Variants in TMEM100 observed in about 807,000 individuals in gnomAD.
The protein encoded by TMEM100 is transmembrane protein 100.
For missense variants in TMEM100, 137 were observed against 168.2 expected (o/e 0.81, Z 1.02); for synonymous variants, 61 against 67.1 (o/e 0.91, Z 0.44).
rs372894681 is a variant in TMEM100, at chr17:55,722,281, A to T, written c.-66+338T>A. On this transcript the variant is annotated intron_variant, in intron 1 of 1. Transcript: ENST00000424486. ...GTAGTTACCGAACAAGTTTAAAGAA[A>T]GATACTTGAGACCATTTCAATGAGA... Among the ~76,000 whole-genome samples, 37 of 152,348 alleles carry T rather than the reference A, an allele frequency of 2.4e-4. 2 individuals are homozygous for T. Among genetic ancestry groups the T allele is most frequent in the Admixed American group, 7.8e-4 (12 of 15,302 alleles).
chr17:55,731,441 C>T (rs1414061648), intron 1 of TMEM100, among the ~76,000 whole-genome samples: 1 of 152,108 alleles, frequency 6.6e-6, no homozygotes, highest in Non-Finnish European at 1.5e-5. Flanking sequence ...GGGCAAGTCA[C>T]CCAACTTCTG....
intron 1 of TMEM100, among the ~76,000 whole-genome samples, chr17:55,731,036 C>T (rs555515585): frequency 6.6e-6 from 1 of 152,288 alleles, no homozygotes; most frequent in African/African-American, 2.4e-5. Context: ...CATCAGGGCA[C>T]ACAGAAGGGC....
chr17:55,728,597 T>C lies in TMEM100; in HGVS notation c.-358-615A>G, dbSNP rs1466582593. On this transcript the variant is annotated intron_variant, in intron 1 of 3. Coordinates refer to the TMEM100 transcript ENST00000575734. ...GAAGCATTTTAGTTCCTGTGCTCCTTTGGGTGCCAGGAACTTGCTAAATGC... is the reference window on the plus strand; with the variant it reads ...GAAGCATTTTAGTTCCTGTGCTCCTCTGGGTGCCAGGAACTTGCTAAATGC... 2.0e-5 allele frequency among the ~76,000 whole-genome samples: 3 copies of C among 152,226 alleles called. No homozygotes were observed. In the East Asian group the frequency reaches 5.8e-4, roughly 29 times the overall value.
chr17:55,720,911 AG>A lies in TMEM100; in HGVS notation c.159del (p.Tyr54ThrfsTer47). On this transcript the variant is annotated frameshift_variant, in exon 2 of 2. Transcript: ENST00000424486. LOFTEE classifies it high-confidence loss of function. ...MAATGGTELS[C>X]YRCIIPFAVV... ...ACAGCAAAGGGGATGATGCAGCGGT[AG>A]CAGGAGAGCTCGGTACCCCCTGTAG... 6.2e-7 allele frequency: 1 copy of A among 1,614,210 alleles called. No individual in the cohort carries two copies. The highest frequency in any genetic ancestry group is 8.5e-7 in the Non-Finnish European group (1 of 1,180,030).
exon 2 of TMEM100, chr17:55,727,969 A>G (rs373201200): frequency 2.6e-5 from 4 of 152,190 alleles, no homozygotes; most frequent in East Asian, 3.9e-4. Context: ...TTCACAAGTC[A>G]CTTTTTAATT....
At chr17:55,726,822 A>G (rs999126187), upstream of TMEM100, among the ~76,000 whole-genome samples, 4 of 152,180 alleles carry the variant, frequency 2.6e-5, no homozygotes, top group Admixed American at 1.3e-4. Context: ...TTTGGATAGC[A>G]GGTCATGTTA....
chr17:55,720,673 A>G lies in TMEM100; in HGVS notation c.398T>C (p.Phe133Ser). 1 of 1,604,258 alleles carries G rather than the reference A, an allele frequency of 6.2e-7. No homozygotes were observed. Among genetic ancestry groups the G allele is most frequent in the Non-Finnish European group, 8.5e-7 (1 of 1,175,846 alleles). ...TALVANQRSL[F>S]A ...ATTTGGTCGTATTCAGTCTCAAGCA[A>G]ACAAGCTTCTCTGATTTGCCACGAG... The change falls in exon 2 of 2, where the codon TTT becomes TCT. Residue 133 changes from phenylalanine (F) to serine (S), a missense_variant. Coordinates refer to ENST00000424486, the MANE Select transcript of TMEM100 (RefSeq NM_018286.3).
Position 55,721,137 on chromosome 17 carries a change from T to C in TMEM100, c.-65-2A>G. 6.6e-7 allele frequency: 1 copy of C among 1,517,560 alleles called. No individual in the cohort carries two copies. The highest frequency in any genetic ancestry group is 8.8e-7 in the Non-Finnish European group (1 of 1,131,328). The allele number at this position is 1,517,560 out of a possible 1,614,324, so 94.0% of individuals were successfully genotyped here. On this transcript the variant is annotated splice_acceptor_variant, in intron 1 of 1. Transcript: ENST00000424486. LOFTEE classifies it low-confidence loss of function (5UTR_SPLICE). ...TGGACAGTCTCACCAGGGTGAAAGCTGTGAAGATAACAGGAGATGTCAGCT... is the reference window on the plus strand; with the variant it reads ...TGGACAGTCTCACCAGGGTGAAAGCCGTGAAGATAACAGGAGATGTCAGCT...
chr17:55,720,545 C>CCCATAATA lies in TMEM100; in HGVS notation c.*120_*121insTATTATGG. ...GAGAAGCCCCTCCACCCTCCCACCC[C>CCCATAATA]CATTCTTCCAGTCTGCTCCAACGCC... On this transcript the variant is annotated 3_prime_UTR_variant, in exon 2 of 2. Transcript: ENST00000424486. The CCCATAATA allele has an allele frequency of 8.6e-7, 1 of 1,156,326 alleles. No homozygotes were observed. The highest frequency in any genetic ancestry group is 1.2e-6 in the Non-Finnish European group (1 of 825,012). The allele number at this position is 1,156,326 out of a possible 1,614,324, so 71.6% of individuals were successfully genotyped here. A position where few individuals can be genotyped will look rare whatever the true frequency, so the allele number is the denominator to read the frequency against.
intron 1 of TMEM100, among the ~76,000 whole-genome samples, chr17:55,728,847 C>T (rs75406615): frequency 0.018 from 2,685 of 152,174 alleles, 83 homozygotes; most frequent in African/African-American, 0.06. Context: ...TCATGGCACA[C>T]AGGCATTTAA....
intron 1 of TMEM100, among the ~76,000 whole-genome samples, chr17:55,731,033 G>T (rs1482351759): frequency 6.6e-6 from 1 of 152,108 alleles, no homozygotes; most frequent in Non-Finnish European, 1.5e-5. Context: ...TTCCATCAGG[G>T]CACACAGAAG....
upstream of TMEM100, among the ~76,000 whole-genome samples, chr17:55,727,309 G>A (rs1265768405): frequency 6.6e-6 from 1 of 152,202 alleles, no homozygotes; most frequent in Non-Finnish European, 1.5e-5. Flanking sequence ...GAGGAAGCCC[G>A]AAGTTCGAGA....
Position 55,721,028 on chromosome 17 carries a change from C to A in TMEM100, c.43G>T (p.Ala15Ser), listed in dbSNP as rs779284458. The A allele has an allele frequency of 1.9e-5, 31 of 1,613,724 alleles. No homozygotes were observed. The highest frequency in any genetic ancestry group is 1.6e-4 in the East Asian group (7 of 44,874). The change falls in exon 2 of 2, where the codon GCT becomes TCT. Residue 15 changes from alanine (A) to serine (S), a missense_variant. Physicochemically the swap from Ala to Ser is moderately conservative, Grantham distance 99. Transcript: ENST00000424486. ...TTCTCCATCGTCGCTGCCATGTGAG[C>A]CTTTGGGGCTCCCAGGATCTCCTTG... ...PIKEILGAPK[A>S]HMAATMEKSP...
At chr17:55,725,294 G>A (rs556602056), upstream of TMEM100, among the ~76,000 whole-genome samples, 4 of 152,146 alleles carry the variant, frequency 2.6e-5, no homozygotes, top group East Asian at 3.9e-4. Context: ...TTATTTCTGC[G>A]AGCCCTCTAT....
upstream of TMEM100, among the ~76,000 whole-genome samples, chr17:55,726,150 A>T (rs1191153090): frequency 6.6e-6 from 1 of 152,158 alleles, no homozygotes; most frequent in African/African-American, 2.4e-5. Flanking sequence ...GCACCATAGA[A>T]ATTATGTTAT....
At chr17:55,725,721 G>GTGTGTGTA (rs995057731), upstream of TMEM100, among the ~76,000 whole-genome samples, 2 of 127,768 alleles carry the variant, frequency 1.6e-5, no homozygotes, top group Admixed American at 7.1e-5. Context: ...GTGTGTGTGT[G>GTGTGTGTA]TGTGTGTGTG....
upstream of TMEM100, among the ~76,000 whole-genome samples, chr17:55,726,520 C>A (rs1432036302): frequency 6.6e-6 from 1 of 152,194 alleles, no homozygotes; most frequent in Non-Finnish European, 1.5e-5. Context: ...TTTTGTGAAG[C>A]ATGCCCCCAT....
Position 55,720,797 on chromosome 17 carries a change from C to A in TMEM100, c.274G>T (p.Val92Phe), listed in dbSNP as rs771351130. 1.2e-6 allele frequency: 2 copies of A among 1,614,082 alleles called. No individual in the cohort carries two copies. Among genetic ancestry groups the A allele is most frequent in the Non-Finnish European group, 8.5e-7 (1 of 1,180,046 alleles). The change falls in exon 2 of 2, where the codon GTT becomes TTT. Residue 92 changes from valine (V) to phenylalanine (F), a missense_variant. Transcript: ENST00000424486. The part of the protein sequence containing the change: ...GSIISIFGLV[V>F]LSSGLFLLAS... ...AGTAAAAAAAGTCCAGATGACAGAACAACCAGGCCAAAGATGGAGATAATA... is the reference window on the plus strand; with the variant it reads ...AGTAAAAAAAGTCCAGATGACAGAAAAACCAGGCCAAAGATGGAGATAATA...
chr17:55,731,010 A>T (rs1243670754), intron 1 of TMEM100, among the ~76,000 whole-genome samples: 1 of 152,210 alleles, frequency 6.6e-6, no homozygotes, highest in Non-Finnish European at 1.5e-5. Flanking sequence ...ACAGAATGAG[A>T]ACACGATGTT....
Sources: gnomAD v4.1 joint callset for allele counts (sites outside exome capture counted in the v4.1 genomes callset) on GRCh38, gnomAD v4.1.1 for gene constraint, MANE v1.5 for transcripts, NCBI Gene and HGNC (gene_info 2026-07-23, HGNC 2026-07-21) for gene names.